The following TEX2 variants were observed in gnomAD, a reference collection of about 807,000 sequenced individuals.
The protein encoded by TEX2 is testis expressed 2.
Under a neutral mutation model 106.9 loss-of-function variants are expected in TEX2, and 53 were observed. The observed-to-expected ratio is 0.50, with a 90% CI of 0.40 to 0.62. The LOEUF is 0.62. TEX2 is among the 20% of genes least tolerant of loss of function. The pLI, the probability that TEX2 is intolerant of heterozygous loss-of-function variation, is 0.00. For missense variants in TEX2, 1,207 were observed against 1,379.0 expected (o/e 0.88, Z 1.98); for synonymous variants, 523 against 534.8 (o/e 0.98, Z 0.30).
intron 5 of TEX2, among the ~76,000 whole-genome samples, chr17:64,181,112 A>AATT (rs56217022): frequency 6.6e-6 from 1 of 151,890 alleles, no homozygotes; most frequent in African/African-American, 2.4e-5. Context: ...ACATTATTTA[A>AATT]AACAGTTTTA....
intron 1 of TEX2, among the ~76,000 whole-genome samples, chr17:64,218,629 G>A (rs1480838869): frequency 6.6e-6 from 1 of 152,050 alleles, no homozygotes; most frequent in Non-Finnish European, 1.5e-5. Flanking sequence ...ATATTGGCCA[G>A]GCTGGTCTTG....
chr17:64,193,895 G>C lies in TEX2; in HGVS notation c.1846-6C>G. ...GTTTTAGGTACAAGATAAATCTACA[G>C]AGAAAGAAAAATGATGATTTATATA... On this transcript the variant is annotated splice_region_variant and splice_polypyrimidine_tract_variant and intron_variant, in intron 3 of 11. Coordinates refer to ENST00000584379, the MANE Select transcript of TEX2 (RefSeq NM_001288732.2). 6.6e-7 allele frequency: 1 copy of C among 1,506,648 alleles called. No homozygotes were observed. Among genetic ancestry groups the C allele is most frequent in the Non-Finnish European group, 8.9e-7 (1 of 1,123,044 alleles). The allele number at this position is 1,506,648 out of a possible 1,614,324, so 93.3% of individuals were successfully genotyped here.
chr17:64,160,788 T>C lies in TEX2; in HGVS notation c.2804+13A>G, dbSNP rs773529389. ...CCAGGATTGGATTAGTAAATTCATA[T>C]ATAGCCCCTTACCCTTCTTTGCCAA... is the stretch of plus-strand genomic sequence containing the variant. On this transcript the variant is annotated intron_variant, in intron 8 of 11. Coordinates refer to ENST00000584379, the MANE Select transcript of TEX2 (RefSeq NM_001288732.2). 95 of 1,613,382 alleles carry C rather than the reference T, an allele frequency of 5.9e-5. No homozygotes were observed. Among genetic ancestry groups the C allele is most frequent in the Non-Finnish European group, 7.2e-5 (85 of 1,179,762 alleles).
chr17:64,204,226 T>C (rs1476343755), intron 2 of TEX2, among the ~76,000 whole-genome samples: 4 of 152,170 alleles, frequency 2.6e-5, no homozygotes, highest in Admixed American at 1.3e-4. Context: ...TTTATACACA[T>C]GTCCCAATAT....
intron 1 of TEX2, among the ~76,000 whole-genome samples, chr17:64,228,782 T>C (rs575427785): frequency 6.6e-6 from 1 of 152,218 alleles, no homozygotes; most frequent in African/African-American, 2.4e-5. Flanking sequence ...AGGCATTTTG[T>C]GTGCATACAA....
chr17:64,207,367 G>A (rs534824388), intron 2 of TEX2, among the ~76,000 whole-genome samples: 2 of 152,240 alleles, frequency 1.3e-5, no homozygotes, highest in Admixed American at 6.5e-5. Flanking sequence ...GCGGGATCTC[G>A]GTCCTGGGCT....
At chr17:64,171,979 C>CAA (rs11322413) in intron 6 of TEX2, among the ~76,000 whole-genome samples, 31 of 133,312 alleles carry the variant, frequency 2.3e-4, no homozygotes, top group African/African-American at 5.3e-4. Flanking sequence ...GACTCTGCGT[C>CAA]AAAAAAAAAA....
At chr17:64,224,820 T>C (rs1403894222) in intron 1 of TEX2, among the ~76,000 whole-genome samples, 2 of 152,212 alleles carry the variant, frequency 1.3e-5, no homozygotes, top group Non-Finnish European at 2.9e-5. Context: ...TTTTGCTTTA[T>C]AGATTGCTAG....
chr17:64,219,677 A>G (rs1427247912), intron 1 of TEX2, among the ~76,000 whole-genome samples: 6 of 152,154 alleles, frequency 3.9e-5, no homozygotes, highest in African/African-American at 1.4e-4. Flanking sequence ...GCAGATGGAA[A>G]GAGAAGGAAA....
intron 4 of TEX2, among the ~76,000 whole-genome samples, chr17:64,192,885 A>T (rs1375411916): frequency 6.6e-6 from 1 of 152,216 alleles, no homozygotes; most frequent in Admixed American, 6.5e-5. Flanking sequence ...TCCATGTAAG[A>T]AAGCTTTCCC....
At chr17:64,160,304 C>A (rs755735639) in intron 8 of TEX2, among the ~76,000 whole-genome samples, 4 of 152,142 alleles carry the variant, frequency 2.6e-5, no homozygotes, top group African/African-American at 9.7e-5. Context: ...GGATTTACTA[C>A]GCAAGTCAAT....
chr17:64,175,172 C>T (rs966743127), intron 6 of TEX2, among the ~76,000 whole-genome samples: 4 of 152,208 alleles, frequency 2.6e-5, no homozygotes, highest in Admixed American at 1.3e-4. Context: ...TTCGTAGGGG[C>T]GGTGACAGCT....
Position 64,194,890 on chromosome 17 carries a change from C to G in TEX2, c.1845+5G>C. Reference sequence around the variant, plus strand: ...AGCTATCCTTCCAAAATTGCTCAGGCTCACCTTGCTGTCTGAGAGGTCATA... The same window carrying G: ...AGCTATCCTTCCAAAATTGCTCAGGGTCACCTTGCTGTCTGAGAGGTCATA... On this transcript the variant is annotated splice_donor_5th_base_variant and intron_variant, in intron 3 of 11. Coordinates refer to ENST00000584379, the MANE Select transcript of TEX2 (RefSeq NM_001288732.2). 6.2e-7 allele frequency: 1 copy of G among 1,614,074 alleles called. No individual in the cohort carries two copies. The highest frequency in any genetic ancestry group is 8.5e-7 in the Non-Finnish European group (1 of 1,179,938).
At chr17:64,184,540 T>C (rs74825455) in intron 5 of TEX2, among the ~76,000 whole-genome samples, 1 of 152,382 alleles carries the variant, frequency 6.6e-6, no homozygotes, top group East Asian at 1.9e-4. Flanking sequence ...TCTCCCATCC[T>C]GTGGGTTATC....
chr17:64,151,917 C>T (rs1301135786), intron 10 of TEX2, among the ~76,000 whole-genome samples: 2 of 152,094 alleles, frequency 1.3e-5, no homozygotes, highest in African/African-American at 4.8e-5. Context: ...ATTTATTTAT[C>T]TATTTTTCAC....
At chr17:64,218,506 C>A (rs2033257513) in intron 1 of TEX2, among the ~76,000 whole-genome samples, 1 of 151,290 alleles carries the variant, frequency 6.6e-6, no homozygotes, top group Non-Finnish European at 1.5e-5. Flanking sequence ...GCAACCTCCG[C>A]CTCCCAGGTT....
In TEX2 at chr17:64,217,951, T is replaced by A. The variant is rs2033232191; in HGVS notation, c.-25-3709A>T. Among the ~76,000 whole-genome samples the A allele has an allele frequency of 6.6e-6, 1 of 152,112 alleles. No homozygotes were observed. Among genetic ancestry groups the A allele is most frequent in the Non-Finnish European group, 1.5e-5 (1 of 68,038 alleles). ...AAAGTGGTACACAAAATTAATCACG[T>A]CCCGTCCCAGAATGGATGAGGGTGG... is the stretch of plus-strand genomic sequence containing the variant. On this transcript the variant is annotated intron_variant, in intron 1 of 11. Transcript: ENST00000584379. This position sits in a 1 kb window ranked among gnomAD's most constrained non-coding sequence, Gnocchi z 4.3.
At chr17:64,243,117 C>T (rs1307722274) in intron 1 of TEX2, among the ~76,000 whole-genome samples, 7 of 151,450 alleles carry the variant, frequency 4.6e-5, no homozygotes, top group Admixed American at 3.3e-4. Context: ...TTAGTAGAGA[C>T]GGGATTTCAC....
intron 5 of TEX2, among the ~76,000 whole-genome samples, chr17:64,186,453 A>T (rs926973992): frequency 6.6e-6 from 1 of 152,228 alleles, no homozygotes; most frequent in African/African-American, 2.4e-5. Flanking sequence ...TTCCACACTG[A>T]AGAGGATCAA....
Sources: gnomAD v4.1 joint callset for allele counts (sites outside exome capture counted in the v4.1 genomes callset) on GRCh38, gnomAD v4.1.1 for gene constraint, Gnocchi (gnomAD v3.1) non-coding constraint, MANE v1.5 for transcripts, NCBI Gene and HGNC (gene_info 2026-07-23, HGNC 2026-07-21) for gene names.